KIAA1217: variants seen among roughly 807,000 people sequenced by gnomAD.
The protein encoded by KIAA1217 is KIAA1217, also known as sickle tail protein homolog.
A neutral mutation model predicts 163.9 loss-of-function variants in KIAA1217; 88 were observed. The ratio of observed to expected loss-of-function variants is 0.54; its 90% CI spans 0.45 to 0.64. KIAA1217 has a LOEUF of 0.64. Ranked by LOEUF, KIAA1217 falls within the 30% of genes least tolerant of loss-of-function variation. The pLI is 0.00. For missense variants in KIAA1217, 2,372 were observed against 2,475.0 expected, an observed-to-expected ratio of 0.96 and a Z score of 0.88; for synonymous variants, 903 against 923.1, an observed-to-expected ratio of 0.98 and a Z score of 0.39.
chr10:24,538,821 G>A (rs1243763357), intron 17 of KIAA1217, among the ~76,000 whole-genome samples: 5 of 130,352 alleles, frequency 3.8e-5, no homozygotes, highest in South Asian at 2.5e-4. Flanking sequence ...TGCAACCTCC[G>A]CCTCCCGGGT....
At position 24,423,166 on chromosome 10, in the gene KIAA1217, C is replaced by T. The variant is rs1487255220; in HGVS notation, c.554-9829C>T. ...TCTCCTGACCTCGTGATCCACCTGCCGTGGCCTCCCAAGGTGCTGGGATTA... is the reference window on the plus strand; with the variant it reads ...TCTCCTGACCTCGTGATCCACCTGCTGTGGCCTCCCAAGGTGCTGGGATTA... On this transcript the variant is annotated intron_variant, in intron 3 of 20. Transcript: ENST00000376454. Among the ~76,000 whole-genome samples the T allele has an allele frequency of 5.3e-5, 8 of 152,066 alleles. No individual in the cohort carries two copies. The South Asian group carries it at 6.2e-4, about 12-fold the overall frequency.
chr10:24,087,204 T>C (rs562582108), intron 2 of KIAA1217, among the ~76,000 whole-genome samples: 1 of 152,328 alleles, frequency 6.6e-6, no homozygotes, highest in African/African-American at 2.4e-5. Flanking sequence ...CTTAGAAAGA[T>C]TCATGTTAAC....
intron 1 of KIAA1217, among the ~76,000 whole-genome samples, chr10:23,918,068 A>G (rs1405033053): frequency 6.6e-6 from 1 of 151,724 alleles, no homozygotes; most frequent in Non-Finnish European, 1.5e-5. Context: ...GGTGAAGTGC[A>G]GTGGTGTGAT....
chr10:24,520,336 C>A, intron 11 of KIAA1217, 83 bp downstream of exon 11: 1 of 1,545,930 alleles, frequency 6.5e-7, no homozygotes, highest in South Asian at 1.2e-5. Context: ...AGGATTCATT[C>A]ATGTATGCAA....
chr10:23,788,102 T>C (rs535789148), intron 1 of KIAA1217, among the ~76,000 whole-genome samples: 1 of 151,908 alleles, frequency 6.6e-6, no homozygotes, highest in East Asian at 1.9e-4. Flanking sequence ...GAAGGCTGAG[T>C]TGGGAGAACT....
intron 1 of KIAA1217, among the ~76,000 whole-genome samples, chr10:23,894,670 C>T (rs1441572113): frequency 2.0e-5 from 3 of 148,416 alleles, no homozygotes; most frequent in Admixed American, 1.4e-4. Context: ...CAAAAAAGAG[C>T]CCGCATCGCC....
chr10:24,323,793 G>A (rs1371619618), intron 2 of KIAA1217, among the ~76,000 whole-genome samples: 1 of 11,828 alleles, frequency 8.5e-5, no homozygotes, highest in Non-Finnish European at 4.1e-4. Flanking sequence ...CTCTTCGTGT[G>A]TGTGTGTGTG....
chr10:23,816,131 G>A (rs142342214), intron 1 of KIAA1217, among the ~76,000 whole-genome samples: 6 of 152,260 alleles, frequency 3.9e-5, no homozygotes, highest in East Asian at 3.9e-4. Flanking sequence ...CAGCATTTGC[G>A]TTACCTTGAG....
intron 2 of KIAA1217, among the ~76,000 whole-genome samples, chr10:24,258,050 G>A (rs1190655375): frequency 3.6e-4 from 54 of 152,036 alleles, no homozygotes; most frequent in Admixed American, 3.5e-3. Context: ...GGATAGTGGT[G>A]CATACCTATA....
intron 2 of KIAA1217, among the ~76,000 whole-genome samples, chr10:24,292,783 C>T (rs937680112): frequency 6.6e-6 from 1 of 151,990 alleles, no homozygotes. Flanking sequence ...ATATCGCAGC[C>T]TGAGTGAGAG....
chr10:24,332,693 G>A (rs1779571600), intron 2 of KIAA1217, among the ~76,000 whole-genome samples: 1 of 152,156 alleles, frequency 6.6e-6, no homozygotes. Flanking sequence ...TTGCTGTACA[G>A]CTCTTGGAGG....
intron 1 of KIAA1217, among the ~76,000 whole-genome samples, chr10:23,719,263 C>T (rs1292619878): frequency 1.3e-5 from 2 of 152,130 alleles, no homozygotes; most frequent in African/African-American, 2.4e-5. Flanking sequence ...TATGATGAAG[C>T]CCCAAAACGT....
intron 1 of KIAA1217, among the ~76,000 whole-genome samples, chr10:23,954,531 C>T (rs1367996034): frequency 6.6e-6 from 1 of 151,220 alleles, no homozygotes; most frequent in African/African-American, 2.4e-5. Flanking sequence ...TGCCACTGCA[C>T]TTCAGCCTGG....
intron 6 of KIAA1217, among the ~76,000 whole-genome samples, chr10:24,484,625 T>A (rs2065158954): frequency 6.6e-6 from 1 of 151,962 alleles, no homozygotes; most frequent in Non-Finnish European, 1.5e-5. Context: ...AGTGGTGCAA[T>A]CATAGCTCAC....
At chr10:24,282,427 A>G (rs2078052361) in intron 2 of KIAA1217, among the ~76,000 whole-genome samples, 1 of 152,146 alleles carries the variant, frequency 6.6e-6, no homozygotes. Flanking sequence ...GAGAATCTGC[A>G]TAAATTATTT....
In KIAA1217 at chr10:24,100,000, C is replaced by T. The variant is rs78076432; in HGVS notation, c.-171+92626C>T. Among the ~76,000 whole-genome samples, 507 of 152,188 alleles carry T rather than the reference C, an allele frequency of 3.3e-3. 1 individual carries two copies. Among genetic ancestry groups the T allele is most frequent in the African/African-American group, 0.012 (486 of 41,524 alleles). Reference sequence around the variant, plus strand: ...TTATTTGCCTGCCAATAATATTCCACCTGATAAGAGGTGGCTGCAGTTGCA... The same window carrying T: ...TTATTTGCCTGCCAATAATATTCCATCTGATAAGAGGTGGCTGCAGTTGCA... On this transcript the variant is annotated intron_variant, in intron 2 of 18. Coordinates refer to the KIAA1217 transcript ENST00000376462.
chr10:24,222,339 G>T (rs527759660), intron 2 of KIAA1217, among the ~76,000 whole-genome samples: 2 of 152,274 alleles, frequency 1.3e-5, no homozygotes, highest in East Asian at 3.9e-4. Flanking sequence ...TCCAAAAGGA[G>T]AGAGTTTTTA....
At chr10:24,291,457 G>A (rs991937248) in intron 2 of KIAA1217, among the ~76,000 whole-genome samples, 3 of 152,196 alleles carry the variant, frequency 2.0e-5, no homozygotes, top group Admixed American at 6.5e-5. Flanking sequence ...TTGAACCTGG[G>A]AGGCGGAGGT....
At chr10:24,518,534 G>T (rs951007196) in intron 10 of KIAA1217, among the ~76,000 whole-genome samples, 1 of 152,158 alleles carries the variant, frequency 6.6e-6, no homozygotes, top group East Asian at 1.9e-4. Flanking sequence ...TATTAATTAC[G>T]CACTGACAGA....
Sources: gnomAD v4.1 joint callset for allele counts (sites outside exome capture counted in the v4.1 genomes callset) on GRCh38, gnomAD v4.1.1 for gene constraint, MANE v1.5 for transcripts, NCBI Gene and HGNC (gene_info 2026-07-23, HGNC 2026-07-21) for gene names.